Variants in NUSAP1 observed in about 807,000 individuals in gnomAD.
The protein encoded by NUSAP1 is nucleolar and spindle associated protein 1, also known as nucleolar and spindle-associated protein 1.
NUSAP1 carries 32 observed loss-of-function variants against 52.8 expected under a neutral mutation model. The ratio of observed to expected loss-of-function variants is 0.61; its 90% CI spans 0.46 to 0.81. NUSAP1 has a LOEUF of 0.81. Among genes scored for constraint, NUSAP1 ranks in the 40% least tolerant of loss-of-function variants. The pLI is 0.00. For synonymous variants in NUSAP1, 195 were observed against 183.1 expected (o/e 1.06, Z -0.52); for missense variants, 499 against 522.3 (o/e 0.96, Z 0.43).
intron 4 of NUSAP1, among the ~76,000 whole-genome samples, chr15:41,351,401 A>T (rs1318990772): frequency 6.6e-6 from 1 of 152,162 alleles, no homozygotes; most frequent in East Asian, 1.9e-4. Context: ...CTTGGCTTGC[A>T]GCTGCATCAT....
chr15:41,352,467 C>A (rs1364238740), intron 4 of NUSAP1, among the ~76,000 whole-genome samples: 3 of 151,998 alleles, frequency 2.0e-5, no homozygotes, highest in African/African-American at 4.8e-5. Context: ...TTCTCATTTT[C>A]CCTAAAACTT....
At chr15:41,340,808 G>A (rs949211020) in intron 1 of NUSAP1, among the ~76,000 whole-genome samples, 1 of 152,214 alleles carries the variant, frequency 6.6e-6, no homozygotes, top group African/African-American at 2.4e-5. Context: ...CTGAAATAGT[G>A]CCTGATATCT....
At chr15:41,369,624 G>T (rs1032272535) in intron 7 of NUSAP1, among the ~76,000 whole-genome samples, 1 of 151,378 alleles carries the variant, frequency 6.6e-6, no homozygotes, top group South Asian at 2.1e-4. Flanking sequence ...CTCCAGCCTG[G>T]GCAACAAGAG....
chr15:41,370,359 G>A (rs1404870307), intron 7 of NUSAP1, among the ~76,000 whole-genome samples: 1 of 152,202 alleles, frequency 6.6e-6, no homozygotes, highest in Non-Finnish European at 1.5e-5. Context: ...TCCAGCCTGG[G>A]CGACATAGCG....
In NUSAP1 at chr15:41,375,263, C is replaced by T. The variant is rs976077827; in HGVS notation, c.1007-449C>T. On this transcript the variant is annotated intron_variant, in intron 8 of 10. Transcript: ENST00000559596. ...CGCAATCTCAGCTCACCACAACCTC[C>T]GCCTTCCGGGTTCAAGCAATTCTCC... Among the ~76,000 whole-genome samples, 13 of 151,442 alleles carry T rather than the reference C, an allele frequency of 8.6e-5. No individual in the cohort carries two copies. The South Asian group carries it at 1.9e-3, about 22-fold the overall frequency.
At chr15:41,363,714 T>C (rs1484202946) in intron 6 of NUSAP1, among the ~76,000 whole-genome samples, 2 of 152,144 alleles carry the variant, frequency 1.3e-5, no homozygotes, top group African/African-American at 2.4e-5. Flanking sequence ...TACATTTTTA[T>C]TTTTCTAAAT....
At chr15:41,366,482 A>C (rs11070329) in intron 7 of NUSAP1, among the ~76,000 whole-genome samples, 26 of 151,694 alleles carry the variant, frequency 1.7e-4, no homozygotes, top group African/African-American at 6.3e-4. Flanking sequence ...GGGTTTCACC[A>C]TGTTGGCCAG....
chr15:41,352,263 T>C (rs557259570), intron 4 of NUSAP1, among the ~76,000 whole-genome samples: 5 of 152,070 alleles, frequency 3.3e-5, no homozygotes, highest in Non-Finnish European at 7.4e-5. Flanking sequence ...TTCTTTTGCC[T>C]ACTAAACCTC....
chr15:41,350,393 C>A (rs2048734617), intron 3 of NUSAP1, among the ~76,000 whole-genome samples: 1 of 151,734 alleles, frequency 6.6e-6, no homozygotes, highest in Non-Finnish European at 1.5e-5. Flanking sequence ...AAAACATAAT[C>A]ATGCTAATCA....
intron 4 of NUSAP1, among the ~76,000 whole-genome samples, chr15:41,351,579 A>G (rs1188264660): frequency 6.6e-6 from 1 of 152,154 alleles, no homozygotes; most frequent in African/African-American, 2.4e-5. Flanking sequence ...TGAGCCTAGG[A>G]GTTCAGGACC....
intron 4 of NUSAP1, among the ~76,000 whole-genome samples, chr15:41,353,365 C>T (rs2048847146): frequency 6.6e-6 from 1 of 152,142 alleles, no homozygotes; most frequent in Non-Finnish European, 1.5e-5. Flanking sequence ...TGGTCTCGAA[C>T]TCCTAATCTC....
chr15:41,334,270 C>T (rs1209055535), intron 1 of NUSAP1, among the ~76,000 whole-genome samples: 2 of 152,184 alleles, frequency 1.3e-5, no homozygotes, highest in African/African-American at 4.8e-5. Context: ...AGGCGCGTGT[C>T]ACCACGCCTG....
chr15:41,335,913 G>A (rs897437060), intron 1 of NUSAP1, among the ~76,000 whole-genome samples: 1 of 149,682 alleles, frequency 6.7e-6, no homozygotes, highest in Middle Eastern at 3.6e-3. Flanking sequence ...TATTTAAATT[G>A]TAATGTTTTA....
At chr15:41,373,550 C>T (rs2049798969) in intron 8 of NUSAP1, among the ~76,000 whole-genome samples, 1 of 149,418 alleles carries the variant, frequency 6.7e-6, no homozygotes, top group Non-Finnish European at 1.5e-5. Flanking sequence ...CCTGGGTTCA[C>T]GCCATTCTCC....
At chr15:41,357,800 A>C (rs181248598) in intron 5 of NUSAP1, among the ~76,000 whole-genome samples, 29 of 152,314 alleles carry the variant, frequency 1.9e-4, no homozygotes, top group African/African-American at 6.7e-4. Context: ...AGTCCTTGAC[A>C]TACAGCATTA....
At chr15:41,371,187 T>TGGAGGAGGA (rs368043352) in intron 7 of NUSAP1, among the ~76,000 whole-genome samples, 2 of 151,710 alleles carry the variant, frequency 1.3e-5, no homozygotes, top group African/African-American at 4.8e-5. Context: ...TCCCCTAACC[T>TGGAGGAGGA]GGAGGAGGAG....
In NUSAP1 at chr15:41,354,132, T is replaced by C. The variant is rs545921306; in HGVS notation, c.449-1907T>C. On this transcript the variant is annotated intron_variant, in intron 4 of 10. Transcript: ENST00000559596. Reference sequence around the variant, plus strand: ...GGCACATGCCTGTAGTCCCAGTTACTCAGGAGGCTGAAGCAGAAGTATCAC... The same window carrying C: ...GGCACATGCCTGTAGTCCCAGTTACCCAGGAGGCTGAAGCAGAAGTATCAC... Among the ~76,000 whole-genome samples, 213 of 152,312 alleles carry C rather than the reference T, an allele frequency of 1.4e-3. 1 individual carries two copies. Among genetic ancestry groups the C allele is most frequent in the African/African-American group, 5.0e-3 (207 of 41,582 alleles).
intron 2 of NUSAP1, among the ~76,000 whole-genome samples, chr15:41,344,959 A>C (rs1024233029): frequency 2.0e-5 from 3 of 151,962 alleles, no homozygotes; most frequent in East Asian, 3.9e-4. Flanking sequence ...AGAAAAAAAA[A>C]CCACCGCACT....
intron 8 of NUSAP1, among the ~76,000 whole-genome samples, chr15:41,372,333 C>A (rs1046478281): frequency 1.3e-5 from 2 of 152,124 alleles, no homozygotes; most frequent in African/African-American, 2.4e-5. Context: ...CTAACAGGAT[C>A]CCAGACCACA....
Sources: allele counts gnomAD v4.1 joint callset (sites outside exome capture counted in the v4.1 genomes callset), GRCh38; gene constraint gnomAD v4.1.1; transcripts MANE v1.5; gene names NCBI Gene and HGNC (gene_info 2026-07-23, HGNC 2026-07-21).